CHST11: variants seen among roughly 807,000 people sequenced by gnomAD.
The protein encoded by CHST11 is C4S-1.
CHST11 carries 9 observed loss-of-function variants against 30.4 expected under a neutral mutation model. The observed-to-expected ratio is 0.30, with a 90% confidence interval of 0.18 to 0.52. The LOEUF (loss-of-function observed/expected upper bound fraction) is 0.52, where lower values mean the gene tolerates loss of function less well. Ranked by LOEUF, CHST11 falls within the 20% of genes least tolerant of loss-of-function variation. CHST11 has a pLI of 0.97. For missense variants in CHST11, 348 were observed against 460.6 expected (o/e 0.76, Z 2.24); for synonymous variants, 152 against 187.8 (o/e 0.81, Z 1.56).
intron 2 of CHST11, among the ~76,000 whole-genome samples, chr12:104,738,638 A>C (rs2040321924): frequency 6.6e-6 from 1 of 152,172 alleles, no homozygotes; most frequent in Non-Finnish European, 1.5e-5. Flanking sequence ...CTTTACAGCC[A>C]CCTTTAAAGC....
chr12:104,626,579 A>C (rs988700310), intron 2 of CHST11, among the ~76,000 whole-genome samples: 13 of 99,734 alleles, frequency 1.3e-4, no homozygotes, highest in East Asian at 6.7e-4. Flanking sequence ...CTCCCCACCC[A>C]AAAAAAAAAA....
intron 2 of CHST11, among the ~76,000 whole-genome samples, chr12:104,669,129 C>A (rs2039667036): frequency 6.6e-6 from 1 of 152,232 alleles, no homozygotes; most frequent in African/African-American, 2.4e-5. Context: ...CAGGCTCGCA[C>A]AATCGCCCGC....
intron 1 of CHST11, among the ~76,000 whole-genome samples, chr12:104,521,911 G>A (rs2038077043): frequency 1.3e-5 from 2 of 152,252 alleles, no homozygotes; most frequent in African/African-American, 4.8e-5. Context: ...GGGGCAGGCT[G>A]AACTACAGGC....
chr12:104,544,938 C>A (rs1440612497), intron 1 of CHST11, among the ~76,000 whole-genome samples: 1 of 152,044 alleles, frequency 6.6e-6, no homozygotes, highest in Non-Finnish European at 1.5e-5. Context: ...TTTTGTCCTG[C>A]AGCTGAAAAA....
chr12:104,577,207 T>G (rs1417107539), intron 1 of CHST11, among the ~76,000 whole-genome samples: 2 of 151,042 alleles, frequency 1.3e-5, no homozygotes. Context: ...CCGGTATGAT[T>G]CGTGTATCTG....
chr12:104,457,202 C>T lies in CHST11; in HGVS notation c.-210C>T, dbSNP rs376358057. The stretch of plus-strand genomic sequence containing the variant: ...GCGCAGCCAGCGGGTCCACGCATCT[C>T]AGCACTTCCAGACCAACTCCGGCAC... On this transcript the variant is annotated 5_prime_UTR_variant, in exon 1 of 3. Coordinates refer to ENST00000303694, the MANE Select transcript of CHST11 (RefSeq NM_018413.6). 3.2e-4 allele frequency: 148 copies of T among 461,032 alleles called. No homozygotes were observed. The highest frequency in any genetic ancestry group is 2.7e-3 in the African/African-American group (132 of 49,084). 28.6% of individuals were successfully genotyped at this position (461,032 alleles called of 1,614,324 possible). A position where few individuals can be genotyped will look rare whatever the true frequency, so the allele number is the denominator to read the frequency against.
At chr12:104,625,111 A>G (rs761584216) in intron 2 of CHST11, among the ~76,000 whole-genome samples, 1 of 152,188 alleles carries the variant, frequency 6.6e-6, no homozygotes, top group Admixed American at 6.5e-5. Context: ...AGACTTTGCT[A>G]TTGAGGTTAT....
At chr12:104,582,317 C>T (rs1360525953) in intron 1 of CHST11, among the ~76,000 whole-genome samples, 22 of 152,004 alleles carry the variant, frequency 1.4e-4, no homozygotes, top group Non-Finnish European at 4.4e-5. Context: ...ATTCTAACAC[C>T]CTTAGAGCCT....
intron 2 of CHST11, among the ~76,000 whole-genome samples, chr12:104,720,181 C>T (rs965284647): frequency 1.3e-5 from 2 of 152,262 alleles, no homozygotes; most frequent in African/African-American, 4.8e-5. Flanking sequence ...GGCAGGACAG[C>T]TCCCCGACTC....
At chr12:104,541,110 TCTCC>T (rs1302680763) in intron 1 of CHST11, among the ~76,000 whole-genome samples, 1 of 101,212 alleles carries the variant, frequency 9.9e-6, no homozygotes, top group Non-Finnish European at 1.9e-5. Context: ...CTGCAGAATC[TCTCC>T]CTCTCTCTCT....
At chr12:104,693,702 G>A (rs1199248673) in intron 2 of CHST11, among the ~76,000 whole-genome samples, 1 of 152,174 alleles carries the variant, frequency 6.6e-6, no homozygotes, top group Non-Finnish European at 1.5e-5. Flanking sequence ...GGTCAGGGAG[G>A]GCTTCCTGGA....
chr12:104,742,051 T>C (rs2040351796), intron 2 of CHST11, among the ~76,000 whole-genome samples: 1 of 152,192 alleles, frequency 6.6e-6, no homozygotes, highest in Non-Finnish European at 1.5e-5. Context: ...AGTAGCTACT[T>C]CCTGAGTGCC....
At chr12:104,586,101 G>A (rs1626044) in intron 1 of CHST11, among the ~76,000 whole-genome samples, 35,123 of 152,118 alleles carry the variant, frequency 0.23, 4,323 homozygotes, top group East Asian at 0.4. Context: ...GTCATAGCAC[G>A]TCACAGTGGA....
chr12:104,479,765 C>T (rs1215096713), intron 1 of CHST11, among the ~76,000 whole-genome samples: 3 of 152,152 alleles, frequency 2.0e-5, no homozygotes, highest in Admixed American at 2.0e-4. Context: ...TTCTGTTTAC[C>T]TCCTGTTGCT....
At chr12:104,596,149 G>T (rs754618758) in intron 1 of CHST11, among the ~76,000 whole-genome samples, 1 of 152,180 alleles carries the variant, frequency 6.6e-6, no homozygotes, top group Non-Finnish European at 1.5e-5. Flanking sequence ...GCTGGGTATT[G>T]CTCACTCCTC....
intron 2 of CHST11, among the ~76,000 whole-genome samples, chr12:104,755,835 G>A (rs958510807): frequency 2.6e-5 from 4 of 152,060 alleles, no homozygotes; most frequent in Admixed American, 6.6e-5. Flanking sequence ...GAGATTGAGA[G>A]GGGAGAATCC....
At chr12:104,605,601 A>G (rs2038998171) in intron 2 of CHST11, among the ~76,000 whole-genome samples, 1 of 152,198 alleles carries the variant, frequency 6.6e-6, no homozygotes, top group Non-Finnish European at 1.5e-5. Flanking sequence ...AATAAAAAAA[A>G]AAGTTTGGAG....
chr12:104,483,220 T>G (rs753585658), intron 1 of CHST11, among the ~76,000 whole-genome samples: 22 of 152,310 alleles, frequency 1.4e-4, no homozygotes, highest in Middle Eastern at 6.8e-3. Context: ...GGTTGTTTTT[T>G]GTTGAGATGG....
intron 1 of CHST11, among the ~76,000 whole-genome samples, chr12:104,545,264 G>A (rs2038336067): frequency 1.3e-5 from 2 of 152,218 alleles, no homozygotes; most frequent in Non-Finnish European, 2.9e-5. Context: ...TTGAGGGTGG[G>A]GAGGGCAGGG....
Sources: gnomAD v4.1 joint callset for allele counts (sites outside exome capture counted in the v4.1 genomes callset) on GRCh38, gnomAD v4.1.1 for gene constraint, MANE v1.5 for transcripts, NCBI Gene and HGNC (gene_info 2026-07-23, HGNC 2026-07-21) for gene names.